SV2B: variants seen among roughly 807,000 people sequenced by gnomAD.
SV2B encodes the protein synaptic vesicle glycoprotein 2B.
Under a neutral mutation model 73.9 loss-of-function variants are expected in SV2B, and 41 were observed. The observed-to-expected ratio is 0.56, with a 90% confidence interval of 0.43 to 0.72. The LOEUF is 0.72. Ranked by LOEUF, SV2B falls within the 30% of genes least tolerant of loss-of-function variation. The pLI is 0.00. For missense variants in SV2B, 764 were observed against 857.8 expected, an observed-to-expected ratio of 0.89 and a Z score of 1.37; for synonymous variants, 314 against 314.2, an observed-to-expected ratio of 1.00 and a Z score of 0.01.
rs769924724 is a variant in SV2B, at chr15:91,226,496, C to A, written c.233C>A (p.Thr78Lys). ...AGAATGGACAGCCTTCGGGGCCAGA[C>A]AGACCTGATGGCTGAGAGGCTGGAA... Reference protein sequence around the residue: ...PSRMDSLRGQTDLMAERLEDE... With the variant: ...PSRMDSLRGQKDLMAERLEDE... The change falls in exon 2 of 13, where the codon ACA (threonine) becomes AAA (lysine). Residue 78 changes from threonine to lysine, a missense_variant. Coordinates refer to ENST00000394232, the MANE Select transcript of SV2B (RefSeq NM_001323032.3). 5.0e-6 allele frequency: 8 copies of A among 1,614,226 alleles called. No homozygotes were observed. The highest frequency in any genetic ancestry group is 1.7e-5 in the Admixed American group (1 of 60,026).
chr15:91,216,767 A>ATT (rs111561041), intron 1 of SV2B, among the ~76,000 whole-genome samples: 1,565 of 138,494 alleles, frequency 0.011, 33 homozygotes, highest in African/African-American at 0.037. Context: ...TTTAACTTGT[A>ATT]TTTTTTTTTT....
chr15:91,112,629 G>T (rs1467114131), intron 1 of SV2B, among the ~76,000 whole-genome samples: 1 of 152,180 alleles, frequency 6.6e-6, no homozygotes, highest in Non-Finnish European at 1.5e-5. Flanking sequence ...TATTTCTTGG[G>T]TAGTTACCTG....
rs1451983336 is a variant in SV2B, at chr15:91,115,445, CA to C, written c.-392+15083del. Among the ~76,000 whole-genome samples, 1 of 151,940 alleles carries C rather than the reference CA, an allele frequency of 6.6e-6. No individual in the cohort carries two copies. Among genetic ancestry groups the C allele is most frequent in the East Asian group, 1.9e-4 (1 of 5,188 alleles). On this transcript the variant is annotated intron_variant, in intron 1 of 12. Transcript: ENST00000394232. This position sits in a 1 kb window ranked among gnomAD's most constrained non-coding sequence, Gnocchi z 4.3. ...GGAGTACAGTAGTGTGATCTTGGCTCACTGCAACCTCTGCCTCTCAGGCTCA... is the reference window on the plus strand; with the variant it reads ...GGAGTACAGTAGTGTGATCTTGGCTCCTGCAACCTCTGCCTCTCAGGCTCA...
rs1050961007 is a variant in SV2B, at chr15:91,220,629, G to C, written c.-391-5244G>C. On this transcript the variant is annotated intron_variant, in intron 1 of 12. Transcript: ENST00000394232. This position sits in a 1 kb window ranked among gnomAD's most constrained non-coding sequence, Gnocchi z 4.1. ...TATAGCATAGATGCGGAGGCTAATA[G>C]AATGTAAAAGTTAAAGGAGGATGCT... 7.2e-5 allele frequency among the ~76,000 whole-genome samples: 11 copies of C among 152,226 alleles called. No individual in the cohort carries two copies. The highest frequency in any genetic ancestry group is 2.7e-4 in the African/African-American group (11 of 41,452).
chr15:91,215,356 C>T (rs1039266534), intron 1 of SV2B, among the ~76,000 whole-genome samples: 2 of 152,188 alleles, frequency 1.3e-5, no homozygotes, highest in African/African-American at 4.8e-5. Context: ...TTTCCCTCCT[C>T]CTTCTGTTTT....
In SV2B at chr15:91,223,920, T is replaced by G. The variant is rs966562676; in HGVS notation, c.-391-1953T>G. ...CAGATTGCAGGGCCCTGCCCTATCC[T>G]GCAGATTCAGTGTCTTTCAGGGAGG... On this transcript the variant is annotated intron_variant, in intron 1 of 12. Transcript: ENST00000394232. This position sits in a 1 kb window ranked among gnomAD's most constrained non-coding sequence, Gnocchi z 4.6. Among the ~76,000 whole-genome samples the G allele has an allele frequency of 6.6e-6, 1 of 152,268 alleles. No homozygotes were observed.
At chr15:91,263,291 GACAC>G (rs1048535634) in intron 6 of SV2B, among the ~76,000 whole-genome samples, 5 of 150,302 alleles carry the variant, frequency 3.3e-5, no homozygotes, top group Non-Finnish European at 5.9e-5. Context: ...CATGAACACA[GACAC>G]ACAGACACAG....
Position 91,214,940 on chromosome 15 carries a change from G to C in SV2B, c.-391-10933G>C, listed in dbSNP as rs1435032516. Among the ~76,000 whole-genome samples the C allele has an allele frequency of 6.6e-6, 1 of 152,222 alleles. No homozygotes were observed. Among genetic ancestry groups the C allele is most frequent in the African/African-American group, 2.4e-5 (1 of 41,464 alleles). ...CAAGAGACGCTGCTCAGTGATTCTT[G>C]ATTCTGTTTACCAGTCGTACTGCAG... On this transcript the variant is annotated intron_variant, in intron 1 of 12. Transcript: ENST00000394232. This position sits in a 1 kb window ranked among gnomAD's most constrained non-coding sequence, Gnocchi z 4.7.
intron 11 of SV2B, among the ~76,000 whole-genome samples, chr15:91,287,268 C>T (rs1450283560): frequency 6.6e-6 from 1 of 152,154 alleles, no homozygotes; most frequent in African/African-American, 2.4e-5. Flanking sequence ...AGGACCGTCC[C>T]TGGGGAGGTG....
intron 1 of SV2B, among the ~76,000 whole-genome samples, chr15:91,108,088 A>G (rs1441522435): frequency 6.6e-6 from 1 of 152,154 alleles, no homozygotes; most frequent in Non-Finnish European, 1.5e-5. Flanking sequence ...ACTTGGAACT[A>G]TGTTGGTGTA....
chr15:91,180,620 C>T (rs1242922017), intron 1 of SV2B, among the ~76,000 whole-genome samples: 1 of 152,104 alleles, frequency 6.6e-6, no homozygotes, highest in Admixed American at 6.6e-5. Context: ...CTAAACTTCC[C>T]TTCTCGCTTC....
Position 91,232,860 on chromosome 15 carries a change from CT to C in SV2B, c.451+6149del, listed in dbSNP as rs1314506319. On this transcript the variant is annotated intron_variant, in intron 2 of 12. Transcript: ENST00000394232. This position sits in a 1 kb window ranked among gnomAD's most constrained non-coding sequence, Gnocchi z 4.7. The stretch of plus-strand genomic sequence containing the variant: ...CAAAGAACCTAACTGTTTTTCAGTC[CT>C]TTCGCCTCTCCAGTAGTCCCCAGTG... Among the ~76,000 whole-genome samples the C allele has an allele frequency of 6.6e-6, 1 of 152,110 alleles. No homozygotes were observed.
chr15:91,226,448 A>T lies in SV2B; in HGVS notation c.185A>T (p.Lys62Met). ...GIPHPDDVKA[K>M]QAKMAPSRMD... is the part of the protein sequence containing the mutation. ...CCTCACCCAGATGATGTCAAGGCCA[A>T]GCAGGCCAAGATGGCGCCCTCCAGA... Residue 62 changes from lysine (K) to methionine (M), a missense_variant, in exon 2 of 13, where the codon AAG becomes ATG. Coordinates refer to ENST00000394232, the MANE Select transcript of SV2B (RefSeq NM_001323032.3). 1.2e-6 allele frequency: 2 copies of T among 1,614,180 alleles called. No individual in the cohort carries two copies. Among genetic ancestry groups the T allele is most frequent in the African/African-American group, 2.7e-5 (2 of 75,054 alleles).
At chr15:91,266,172 TA>T (rs1168814531) in intron 6 of SV2B, among the ~76,000 whole-genome samples, 2 of 151,518 alleles carry the variant, frequency 1.3e-5, no homozygotes, top group South Asian at 2.1e-4. Flanking sequence ...AACAAACAAA[TA>T]AAAAAAACAA....
At chr15:91,287,783 T>C (rs1223322477) in intron 11 of SV2B, among the ~76,000 whole-genome samples, 2 of 151,906 alleles carry the variant, frequency 1.3e-5, no homozygotes, top group Admixed American at 6.6e-5. Context: ...TTTAGAGGTG[T>C]GGAAAGGGTT....
chr15:91,269,487 C>G (rs2048222494), intron 9 of SV2B, among the ~76,000 whole-genome samples: 1 of 152,198 alleles, frequency 6.6e-6, no homozygotes, highest in African/African-American at 2.4e-5. Context: ...ACATTAACTG[C>G]CCCATATTTA....
At position 91,261,002 on chromosome 15, in the gene SV2B, G is replaced by A. The variant is rs143194466; in HGVS notation, c.1008+593G>A. 4.5e-3 allele frequency among the ~76,000 whole-genome samples: 685 copies of A among 152,252 alleles called. 2 individuals are homozygous for A. The highest frequency in any genetic ancestry group is 7.4e-3 in the African/African-American group (306 of 41,540). ...TTCAAGATGAGATTTGTGTGGGAAC[G>A]CAGAGCCACACCACATCAGAGGCCG... On this transcript the variant is annotated intron_variant, in intron 6 of 12. Transcript: ENST00000394232. The surrounding 1 kb of genome is among the most constrained non-coding windows in gnomAD (Gnocchi z 4.7).
rs976169220 is a variant in SV2B at position 91,197,354 on chromosome 15, G to C, written c.-391-28519G>C. 6.6e-6 allele frequency among the ~76,000 whole-genome samples: 1 copy of C among 151,788 alleles called. No homozygotes were observed. The highest frequency in any genetic ancestry group is 2.4e-5 in the African/African-American group (1 of 41,338). Reference sequence around the variant, plus strand: ...AGCAATCCTCCTGCCTCAGCCTCCCGAGTAGCTGGGATTACAGGGGTCCGC... The same window carrying C: ...AGCAATCCTCCTGCCTCAGCCTCCCCAGTAGCTGGGATTACAGGGGTCCGC... On this transcript the variant is annotated intron_variant, in intron 1 of 12. Coordinates refer to ENST00000394232, the MANE Select transcript of SV2B (RefSeq NM_001323032.3). This position sits in a 1 kb window ranked among gnomAD's most constrained non-coding sequence, Gnocchi z 4.9.
At position 91,252,587 on chromosome 15, in the gene SV2B, C is replaced by A; in HGVS notation, c.784+67C>A. ...TGGCTCCTGCACCCAAACAATAGTT[C>A]CTGTCCTCAGCCTTATTCCATGTAC... On this transcript the variant is annotated intron_variant, in intron 4 of 12. Coordinates refer to ENST00000394232, the MANE Select transcript of SV2B (RefSeq NM_001323032.3). This position sits in a 1 kb window ranked among gnomAD's most constrained non-coding sequence, Gnocchi z 4.6. 6.7e-7 allele frequency: 1 copy of A among 1,487,608 alleles called. No individual in the cohort carries two copies. 92.2% of individuals were successfully genotyped at this position (1,487,608 alleles called of 1,614,324 possible).
Sources: allele counts gnomAD v4.1 joint callset (sites outside exome capture counted in the v4.1 genomes callset), GRCh38; gene constraint gnomAD v4.1.1; non-coding constraint Gnocchi (gnomAD v3.1); transcripts MANE v1.5; gene names NCBI Gene and HGNC (gene_info 2026-07-23, HGNC 2026-07-21).